Variants in IKBKB observed in about 807,000 individuals in gnomAD.
IKBKB encodes the protein inhibitor of nuclear factor kappa B kinase subunit beta, also known as inhibitor of nuclear factor kappa-B kinase subunit beta.
Under a neutral mutation model 113.6 loss-of-function variants are expected in IKBKB, and 42 were observed. That is an observed-to-expected ratio of 0.37 (90% CI 0.29 to 0.48). IKBKB has a LOEUF of 0.48. Among genes scored for constraint, IKBKB ranks in the 20% least tolerant of loss-of-function variants. IKBKB has a pLI of 0.99. For missense variants in IKBKB, 673 were observed against 939.7 expected (o/e 0.72, Z 3.71); for synonymous variants, 296 against 361.3 (o/e 0.82, Z 2.05).
intron 2 of IKBKB, among the ~76,000 whole-genome samples, 183 bp from the exon 3 acceptor site, chr8:42,288,451 G>A (rs2130283236): frequency 6.6e-6 from 1 of 151,952 alleles, no homozygotes; most frequent in South Asian, 2.1e-4. Context: ...AGGTGGAGTG[G>A]TAAGGAGACA....
Position 42,322,039 on chromosome 8 carries a change from C to G in IKBKB, c.1739-15C>G. On this transcript the variant is annotated splice_polypyrimidine_tract_variant and intron_variant, in intron 17 of 21. Transcript: ENST00000520810. Reference sequence around the variant, plus strand: ...TGGCTTCCTTGAGGAACTATGCTACCCTCCCTCTCTCCAGACCAGCGAACT... The same window carrying G: ...TGGCTTCCTTGAGGAACTATGCTACGCTCCCTCTCTCCAGACCAGCGAACT... 1 of 1,610,768 alleles carries G rather than the reference C, an allele frequency of 6.2e-7. No homozygotes were observed. The highest frequency in any genetic ancestry group is 8.5e-7 in the Non-Finnish European group (1 of 1,177,036).
intron 6 of IKBKB, among the ~76,000 whole-genome samples, chr8:42,306,105 G>A (rs192662166): frequency 1.7e-4 from 26 of 152,348 alleles, no homozygotes; most frequent in African/African-American, 5.8e-4. Flanking sequence ...CTCTGATGAT[G>A]CGTGGCAGAG....
rs556348474 is a variant in IKBKB at position 42,293,701 on chromosome 8, A to G, written c.388+189A>G. 9.6e-5 allele frequency: 78 copies of G among 808,338 alleles called. No individual in the cohort carries two copies. The Middle Eastern group carries it at 1.1e-3, about 12-fold the overall frequency. The allele number at this position is 808,338 out of a possible 1,614,324, so 50.1% of individuals were successfully genotyped here. ...AAGGAGTCAGCCAGACAGATGCTGA[A>G]CTCAAATAGGTTTCCCTTCCTTCCT... On this transcript the variant is annotated intron_variant, in intron 5 of 21. Coordinates refer to ENST00000520810, the MANE Select transcript of IKBKB (RefSeq NM_001556.3).
At chr8:42,323,161 G>A (rs78599265) in intron 19 of IKBKB, among the ~76,000 whole-genome samples, 5,410 of 152,338 alleles carry the variant, frequency 0.036, 111 homozygotes, top group Non-Finnish European at 0.042. Flanking sequence ...TCCCACCCAA[G>A]TAGTCCAGGG....
intron 8 of IKBKB, among the ~76,000 whole-genome samples, chr8:42,313,846 G>A (rs1818182455): frequency 6.6e-6 from 1 of 152,192 alleles, no homozygotes; most frequent in Admixed American, 6.5e-5. Flanking sequence ...TGCCTGACTC[G>A]ATGTGAATGA....
At chr8:42,311,323 G>T (rs980013569) in intron 8 of IKBKB, among the ~76,000 whole-genome samples, 10 of 152,202 alleles carry the variant, frequency 6.6e-5, no homozygotes, top group African/African-American at 1.9e-4. Flanking sequence ...AGCAGTTTGG[G>T]AGGCCAAGAT....
intron 20 of IKBKB, 96 bp downstream of exon 20, chr8:42,326,193 G>A: frequency 2.1e-6 from 3 of 1,413,556 alleles, no homozygotes; most frequent in Non-Finnish European, 2.9e-6. Flanking sequence ...CTGTCTGATG[G>A]TATTACCACC....
chr8:42,330,075 T>C (rs753013037), intron 21 of IKBKB: 104 of 985,248 alleles, frequency 1.1e-4, no homozygotes, highest in Non-Finnish European at 1.2e-4. Context: ...TGCATGTCTG[T>C]GGGAGGAAGA....
chr8:42,296,047 TTC>T (rs750795924), intron 5 of IKBKB, among the ~76,000 whole-genome samples: 1 of 152,236 alleles, frequency 6.6e-6, no homozygotes, highest in East Asian at 1.9e-4. Flanking sequence ...AGGTTGCTGA[TTC>T]TCTGTCTGTC....
At chr8:42,296,279 C>A (rs535626469) in intron 5 of IKBKB, among the ~76,000 whole-genome samples, 1 of 151,632 alleles carries the variant, frequency 6.6e-6, no homozygotes, top group African/African-American at 2.4e-5. Context: ...GACGGATCAC[C>A]TGAGGTCAGG....
rs1563379689 is a variant in IKBKB at position 42,331,011 on chromosome 8, A to G, written c.*32A>G. The G allele has an allele frequency of 3.7e-6, 6 of 1,601,466 alleles. No homozygotes were observed. The South Asian group carries it at 6.7e-5, about 18-fold the overall frequency. ...GGGACTCGACCCCCTGACATGGGGC[A>G]GCCCATAGCAGGCCTTGTGCAGTGG... On this transcript the variant is annotated 3_prime_UTR_variant, in exon 22 of 22. Transcript: ENST00000520810.
At chr8:42,297,430 G>A (rs1238769865) in intron 5 of IKBKB, among the ~76,000 whole-genome samples, 2 of 152,136 alleles carry the variant, frequency 1.3e-5, no homozygotes, top group Non-Finnish European at 2.9e-5. Flanking sequence ...TGACCGCTGG[G>A]TCCGGATTCA....
chr8:42,287,813 T>C (rs768821884), intron 2 of IKBKB, among the ~76,000 whole-genome samples: 2 of 152,154 alleles, frequency 1.3e-5, no homozygotes, highest in African/African-American at 2.4e-5. Context: ...TATTATGCCA[T>C]ATTATGCTTG....
chr8:42,329,981 C>T (rs1821476048), intron 21 of IKBKB: 1 of 985,270 alleles, frequency 1.0e-6, no homozygotes, highest in African/African-American at 1.7e-5. Flanking sequence ...GTCGCATGTC[C>T]TCCTCCAGTC....
chr8:42,289,530 C>T (rs935820041), intron 3 of IKBKB, among the ~76,000 whole-genome samples: 9 of 152,184 alleles, frequency 5.9e-5, no homozygotes, highest in African/African-American at 2.2e-4. Context: ...GGCTGTCCAT[C>T]TGCCTGGTGG....
chr8:42,271,690 T>C, intron 1 of IKBKB: 2 of 524,632 alleles, frequency 3.8e-6, no homozygotes, highest in South Asian at 4.8e-5. Context: ...CTGCGATTTA[T>C]GGGAACATTG....
chr8:42,281,337 CTG>C (rs752265605), intron 2 of IKBKB, among the ~76,000 whole-genome samples: 6 of 152,182 alleles, frequency 3.9e-5, no homozygotes, highest in Non-Finnish European at 1.5e-5. Context: ...TGGTCGGATG[CTG>C]TGTTTCATTT....
rs867284072 is a variant in IKBKB, at chr8:42,329,755, C to G, written c.2205+541C>G. 7 of 985,202 alleles carry G rather than the reference C, an allele frequency of 7.1e-6. No homozygotes were observed. The African/African-American group carries it at 1.2e-4, about 17-fold the overall frequency. 61.0% of individuals were successfully genotyped at this position (985,202 alleles called of 1,614,324 possible). On this transcript the variant is annotated intron_variant, in intron 21 of 21. Coordinates refer to ENST00000520810, the MANE Select transcript of IKBKB (RefSeq NM_001556.3). ...ACCAGCCATGGCCTTGTCCTCAGGG[C>G]CTTGGAGCTTAGTGGTAGGTAGTAC...
intron 13 of IKBKB, 171 bp downstream of exon 13, chr8:42,318,846 C>A: frequency 1.6e-6 from 1 of 621,974 alleles, no homozygotes; most frequent in Non-Finnish European, 2.7e-6. Context: ...CTGACGGAGG[C>A]CCCTTTAGAC....
Sources: gnomAD v4.1 joint callset for allele counts (sites outside exome capture counted in the v4.1 genomes callset) on GRCh38, gnomAD v4.1.1 for gene constraint, MANE v1.5 for transcripts, NCBI Gene and HGNC (gene_info 2026-07-23, HGNC 2026-07-21) for gene names.